The following DPH6 variants were observed in gnomAD, a reference collection of about 807,000 sequenced individuals.
The protein encoded by DPH6 is diphthine--ammonia ligase.
DPH6 carries 33 observed loss-of-function variants against 38.2 expected under a neutral mutation model. That is an observed-to-expected ratio of 0.86 (90% CI 0.65 to 1.15). DPH6 has a LOEUF of 1.15. Ranked by LOEUF, DPH6 falls within the 50% of genes most tolerant of loss-of-function variation. The pLI is 0.00. For missense variants in DPH6, 325 were observed against 320.0 expected (o/e 1.02, Z -0.12); for synonymous variants, 108 against 103.0 (o/e 1.05, Z -0.30).
the DPH6 span, among the ~76,000 whole-genome samples, chr15:35,151,871 G>A: frequency 2.9e-3 from 439 of 152,316 alleles, 1 homozygote; most frequent in African/African-American, 9.9e-3. Context: ...AGTCCACTAC[G>A]TTTGTTATTG....
In DPH6 at chr15:35,294,358, C is replaced by T. The variant is rs1234618252; in HGVS notation, n.201-73776G>A. On this transcript the variant is annotated intron_variant and non_coding_transcript_variant, in intron 3 of 3. Transcript: ENST00000560386. ...AAATTTCCATCTCATATCCCTCTGG[C>T]GATTACTGTTGCTATTAATATAGTC... is the stretch of plus-strand genomic sequence containing the variant. Among the ~76,000 whole-genome samples, 4 of 152,132 alleles carry T rather than the reference C, an allele frequency of 2.6e-5. No individual in the cohort carries two copies. In the South Asian group the frequency reaches 6.2e-4, roughly 24 times the overall value.
intron 3 of DPH6, among the ~76,000 whole-genome samples, chr15:35,245,601 CA>C (rs1309281058): frequency 6.6e-6 from 1 of 152,118 alleles, no homozygotes; most frequent in Non-Finnish European, 1.5e-5. Context: ...TCAGGGTTTA[CA>C]AAAGAGGGAA....
rs754458487 is a variant in DPH6, at chr15:35,438,094, A to AT, written c.505+12590dup. Among the ~76,000 whole-genome samples, 147 of 152,358 alleles carry AT rather than the reference A, an allele frequency of 9.6e-4. 2 individuals carry two copies. Among genetic ancestry groups the AT allele is most frequent in the Middle Eastern group, 6.8e-3 (2 of 294 alleles). ...ATTTTCATAAACAGCGCTGAGCTAA[A>AT]TTAAAAATGGATACCCAAGTCATAG... On this transcript the variant is annotated intron_variant, in intron 5 of 8. Coordinates refer to ENST00000256538, the MANE Select transcript of DPH6 (RefSeq NM_080650.4).
rs566973000 is a variant in DPH6 at position 35,253,235 on chromosome 15, T to A, written n.201-32653A>T. On this transcript the variant is annotated intron_variant and non_coding_transcript_variant, in intron 3 of 3. Transcript: ENST00000560386. ...ATTATTATAAAGAAACTTCTGCCAATGAAATTAAATATAAACAGTAGGTTG... is the reference window on the plus strand; with the variant it reads ...ATTATTATAAAGAAACTTCTGCCAAAGAAATTAAATATAAACAGTAGGTTG... 2.1e-3 allele frequency among the ~76,000 whole-genome samples: 318 copies of A among 152,312 alleles called. 2 individuals are homozygous for A. In the Middle Eastern group the frequency reaches 0.027, roughly 13 times the overall value.
At chr15:35,437,973 CCT>C (rs1292884939) in intron 5 of DPH6, among the ~76,000 whole-genome samples, 3 of 152,306 alleles carry the variant, frequency 2.0e-5, no homozygotes, top group Admixed American at 2.0e-4. Context: ...AATTTTCCTT[CCT>C]CTGAGTCCCT....
intron 3 of DPH6, among the ~76,000 whole-genome samples, chr15:35,486,609 C>G (rs1050790239): frequency 6.6e-6 from 1 of 152,130 alleles, no homozygotes; most frequent in Admixed American, 6.5e-5. Context: ...CACCAAGTCC[C>G]TCTCCTGACA....
At chr15:35,377,322 C>CCCATCCATCCAT (rs534979462) in intron 7 of DPH6, among the ~76,000 whole-genome samples, 16 of 151,716 alleles carry the variant, frequency 1.1e-4, no homozygotes, top group Admixed American at 2.6e-4. Context: ...CTTCCGTCCA[C>CCCATCCATCCAT]CCATCCATCC....
At chr15:35,342,232 T>C (rs1210153965) in intron 3 of DPH6, among the ~76,000 whole-genome samples, 1 of 152,224 alleles carries the variant, frequency 6.6e-6, no homozygotes, top group African/African-American at 2.4e-5. Flanking sequence ...CCTGGTTCTC[T>C]GTATGTGCGT....
chr15:35,268,404 G>A (rs2051798288), intron 3 of DPH6, among the ~76,000 whole-genome samples: 1 of 151,738 alleles, frequency 6.6e-6, no homozygotes, highest in African/African-American at 2.4e-5. Context: ...ATACAGGTCT[G>A]AGAGATATTA....
At chr15:35,237,686 T>C (rs2051564066) in intron 3 of DPH6, 1 of 1,613,436 alleles carries the variant, frequency 6.2e-7, no homozygotes, top group South Asian at 1.1e-5. Flanking sequence ...CTTAGACCTT[T>C]TCAATTGCGA....
rs576568301 is a variant in DPH6 at position 35,425,112 on chromosome 15, G to C, written c.506-14216C>G. On this transcript the variant is annotated intron_variant, in intron 5 of 8. Coordinates refer to ENST00000256538, the MANE Select transcript of DPH6 (RefSeq NM_080650.4). The stretch of plus-strand genomic sequence containing the variant: ...GTATTTTCTATAAGACAATTCACTG[G>C]AGGACAAGCCCTGCAAATGTTATAA... 1.5e-3 allele frequency among the ~76,000 whole-genome samples: 227 copies of C among 151,732 alleles called. 1 individual carries two copies. The highest frequency in any genetic ancestry group is 5.3e-3 in the African/African-American group (220 of 41,508).
chr15:35,406,102 G>A (rs2053289338), intron 6 of DPH6, among the ~76,000 whole-genome samples: 1 of 152,012 alleles, frequency 6.6e-6, no homozygotes, highest in Non-Finnish European at 1.5e-5. Flanking sequence ...TGAGGCAAGA[G>A]AAAAATGGCA....
the DPH6 span, among the ~76,000 whole-genome samples, chr15:35,157,034 C>T: frequency 7.2e-5 from 11 of 152,118 alleles, no homozygotes; most frequent in African/African-American, 2.7e-4. Flanking sequence ...CCTTGATTAA[C>T]AAGAATCATT....
At chr15:35,521,454 T>A (rs916022187) in intron 3 of DPH6, 2 of 1,179,372 alleles carry the variant, frequency 1.7e-6, no homozygotes, top group Non-Finnish European at 2.1e-6. Flanking sequence ...CATAGGCTGA[T>A]TGCTTTTCAT....
At chr15:35,400,887 G>A (rs2053208333) in intron 6 of DPH6, 1 of 943,628 alleles carries the variant, frequency 1.1e-6, no homozygotes, top group Non-Finnish European at 1.7e-6. Flanking sequence ...CCACTGTGGA[G>A]GAGGTGGATG....
At chr15:35,338,836 G>A (rs1166326965) in intron 3 of DPH6, among the ~76,000 whole-genome samples, 2 of 152,176 alleles carry the variant, frequency 1.3e-5, no homozygotes, top group Non-Finnish European at 2.9e-5. Context: ...TATACACCAT[G>A]GAATACTATG....
chr15:35,151,264 T>G, the DPH6 span, among the ~76,000 whole-genome samples: 1 of 151,520 alleles, frequency 6.6e-6, no homozygotes, highest in Non-Finnish European at 1.5e-5. Flanking sequence ...GTATTGTTTT[T>G]AAAATGTAAC....
intron 5 of DPH6, among the ~76,000 whole-genome samples, chr15:35,445,485 AT>A (rs140351669): frequency 0.11 from 16,772 of 150,596 alleles, 1,002 homozygotes; most frequent in Middle Eastern, 0.2. Flanking sequence ...TTATATATGG[AT>A]TTTTTTTTCA....
At chr15:35,375,139 T>C (rs939844204) in intron 7 of DPH6, among the ~76,000 whole-genome samples, 1 of 152,056 alleles carries the variant, frequency 6.6e-6, no homozygotes, top group East Asian at 1.9e-4. Flanking sequence ...GAACTAATAC[T>C]ATCTCAGTAG....
Sources: allele counts gnomAD v4.1 joint callset (sites outside exome capture counted in the v4.1 genomes callset), GRCh38; gene constraint gnomAD v4.1.1; transcripts MANE v1.5; gene names NCBI Gene and HGNC (gene_info 2026-07-23, HGNC 2026-07-21).